DPYD: variants seen among roughly 807,000 people sequenced by gnomAD.
DPYD encodes the protein dihydropyrimidine dehydrogenase.
A neutral mutation model predicts 116.2 loss-of-function variants in DPYD; 109 were observed. The ratio of observed to expected loss-of-function variants is 0.94; its 90% CI spans 0.80 to 1.10. The LOEUF (loss-of-function observed/expected upper bound fraction) is 1.10. Among genes scored for constraint, DPYD ranks in the 50% least tolerant of loss-of-function variants. DPYD has a pLI of 0.00. For synonymous variants in DPYD, 440 were observed against 432.0 expected, an observed-to-expected ratio of 1.02 and a Z score of -0.23; for missense variants, 1,302 against 1,254.5, an observed-to-expected ratio of 1.04 and a Z score of -0.57.
chr1:97,811,240 T>G (rs1668336026), intron 3 of DPYD, among the ~76,000 whole-genome samples: 1 of 152,172 alleles, frequency 6.6e-6, no homozygotes, highest in Non-Finnish European at 1.5e-5. Flanking sequence ...TATATACATT[T>G]GTGTGGTTAT....
intron 8 of DPYD, among the ~76,000 whole-genome samples, chr1:97,645,041 A>G (rs1364666600): frequency 2.0e-5 from 3 of 152,116 alleles, no homozygotes; most frequent in African/African-American, 7.2e-5. Flanking sequence ...ATCAGTATTT[A>G]AAGATCTTTA....
chr1:97,388,192 T>C (rs527369816), intron 14 of DPYD, among the ~76,000 whole-genome samples: 3 of 152,122 alleles, frequency 2.0e-5, no homozygotes, highest in Non-Finnish European at 4.4e-5. Context: ...CTGTGGAATG[T>C]AGACAATTTA....
At chr1:97,525,159 C>T (rs1051779644) in intron 12 of DPYD, among the ~76,000 whole-genome samples, 5 of 152,174 alleles carry the variant, frequency 3.3e-5, no homozygotes, top group Non-Finnish European at 7.3e-5. Context: ...ACAATAACCT[C>T]TTAACTCATC....
At chr1:97,151,852 A>T (rs1655051456) in intron 20 of DPYD, among the ~76,000 whole-genome samples, 1 of 152,200 alleles carries the variant, frequency 6.6e-6, no homozygotes, top group South Asian at 2.1e-4. Context: ...AATTAAAAAC[A>T]TACTAATGGT....
chr1:97,745,549 T>C (rs560248510), intron 3 of DPYD, among the ~76,000 whole-genome samples: 53 of 152,220 alleles, frequency 3.5e-4, no homozygotes, highest in African/African-American at 1.2e-3. Flanking sequence ...TTTTCTGACG[T>C]CTATGTCAGG....
At chr1:97,288,722 C>A (rs947084178) in intron 18 of DPYD, among the ~76,000 whole-genome samples, 1 of 144,626 alleles carries the variant, frequency 6.9e-6, no homozygotes, top group Non-Finnish European at 1.5e-5. Flanking sequence ...TAAATGCCCA[C>A]AAGAGAAAGC....
rs186513360 is a variant in DPYD, at chr1:97,452,855, T to A, written c.1741-2632A>T. On this transcript the variant is annotated intron_variant, in intron 13 of 22. Coordinates refer to ENST00000370192, the MANE Select transcript of DPYD (RefSeq NM_000110.4). ...ATGCTGCTATGCTTCCTATAGAGCC[T>A]GCAGAACCATAAGCCAATTAAACTT... 1.2e-4 allele frequency among the ~76,000 whole-genome samples: 19 copies of A among 152,242 alleles called. No individual in the cohort carries two copies. The East Asian group carries it at 3.5e-3, about 28-fold the overall frequency.
intron 8 of DPYD, among the ~76,000 whole-genome samples, chr1:97,652,880 C>T (rs76277277): frequency 0.073 from 11,174 of 152,204 alleles, 609 homozygotes; most frequent in Non-Finnish European, 0.097. Context: ...GTTATTTACT[C>T]TCTGCCTCCC....
chr1:97,398,489 A>G (rs1046124957), intron 14 of DPYD, among the ~76,000 whole-genome samples: 1 of 152,072 alleles, frequency 6.6e-6, no homozygotes, highest in Admixed American at 6.6e-5. Flanking sequence ...GTCAAATGGT[A>G]TTTCTAGTTC....
At chr1:97,844,645 T>G (rs906460376) in intron 2 of DPYD, among the ~76,000 whole-genome samples, 3 of 152,040 alleles carry the variant, frequency 2.0e-5, no homozygotes, top group Admixed American at 6.5e-5. Flanking sequence ...GGAGGAAGCA[T>G]GGCCAGCGCT....
At chr1:97,711,872 T>C (rs1420037249) in intron 5 of DPYD, among the ~76,000 whole-genome samples, 2 of 152,050 alleles carry the variant, frequency 1.3e-5, no homozygotes, top group African/African-American at 2.4e-5. Flanking sequence ...TATTTAATTA[T>C]ATTCACAACC....
At chr1:97,282,001 T>G (rs901490159) in intron 18 of DPYD, among the ~76,000 whole-genome samples, 11 of 152,126 alleles carry the variant, frequency 7.2e-5, no homozygotes, top group African/African-American at 2.7e-4. Context: ...CTTTTTTCCA[T>G]CTATTGCTCA....
At chr1:97,518,274 T>C (rs1452174654) in intron 12 of DPYD, among the ~76,000 whole-genome samples, 1 of 152,094 alleles carries the variant, frequency 6.6e-6, no homozygotes, top group Non-Finnish European at 1.5e-5. Context: ...AGTGCTACTA[T>C]GTATATGTGT....
At chr1:97,908,313 T>TG (rs771029567) in intron 1 of DPYD, among the ~76,000 whole-genome samples, 12 of 152,044 alleles carry the variant, frequency 7.9e-5, no homozygotes. Flanking sequence ...CCCAAAGTGC[T>TG]GGGATTACAG....
intron 3 of DPYD, among the ~76,000 whole-genome samples, chr1:97,810,970 A>AT (rs1668323952): frequency 6.6e-6 from 1 of 151,974 alleles, no homozygotes; most frequent in Non-Finnish European, 1.5e-5. Flanking sequence ...TGCGTTTTTC[A>AT]TATTGGTCTT....
intron 20 of DPYD, among the ~76,000 whole-genome samples, chr1:97,172,056 G>C (rs1002230404): frequency 6.6e-6 from 1 of 152,174 alleles, no homozygotes; most frequent in African/African-American, 2.4e-5. Context: ...AAGAATTTTT[G>C]TGTTTACGAC....
At chr1:97,675,791 G>A (rs1660112367) in intron 8 of DPYD, among the ~76,000 whole-genome samples, 1 of 150,630 alleles carries the variant, frequency 6.6e-6, no homozygotes, top group Admixed American at 6.6e-5. Context: ...GCTCTGTCAG[G>A]AGGCTGGAGT....
At chr1:97,729,303 T>C (rs1313683330) in intron 4 of DPYD, among the ~76,000 whole-genome samples, 3 of 152,142 alleles carry the variant, frequency 2.0e-5, no homozygotes, top group African/African-American at 4.8e-5. Context: ...GGAAATGTCA[T>C]ATCTCTCAGC....
intron 14 of DPYD, among the ~76,000 whole-genome samples, chr1:97,405,532 T>C (rs934558485): frequency 9.2e-5 from 14 of 152,164 alleles, no homozygotes; most frequent in Admixed American, 3.9e-4. Context: ...GTTTGTTTTT[T>C]TGAGACAGAG....
Sources: gnomAD v4.1 joint callset for allele counts (sites outside exome capture counted in the v4.1 genomes callset) on GRCh38, gnomAD v4.1.1 for gene constraint, MANE v1.5 for transcripts, NCBI Gene and HGNC (gene_info 2026-07-23, HGNC 2026-07-21) for gene names.